The following COL2A1 variants were observed in gnomAD, a reference collection of about 807,000 sequenced individuals.
The protein encoded by COL2A1 is collagen type II alpha 1 chain.
A neutral mutation model predicts 204.5 loss-of-function variants in COL2A1; 28 were observed. That is an observed-to-expected ratio of 0.14 (90% CI 0.10 to 0.19). The LOEUF (loss-of-function observed/expected upper bound fraction) is 0.19. Among genes scored for constraint, COL2A1 ranks in the 10% least tolerant of loss-of-function variants. The pLI is 1.00. For synonymous variants in COL2A1, 708 were observed against 718.7 expected (o/e 0.99, Z 0.24); for missense variants, 1,388 against 2,027.5 (o/e 0.68, Z 6.06).
intron 16 of COL2A1, among the ~76,000 whole-genome samples, chr12:47,990,316 C>A (rs1939645577): frequency 6.6e-6 from 1 of 152,218 alleles, no homozygotes; most frequent in Non-Finnish European, 1.5e-5. Flanking sequence ...GGCCCCTAAT[C>A]TTAAACAAAG....
At position 47,976,447 on chromosome 12, in the gene COL2A1, C is replaced by A. The variant is rs1352402377; in HGVS notation, c.3489+67G>T. The A allele has an allele frequency of 2.6e-6, 4 of 1,550,956 alleles. No individual in the cohort carries two copies. The highest frequency in any genetic ancestry group is 3.6e-6 in the Non-Finnish European group (4 of 1,123,098). On this transcript the variant is annotated intron_variant, in intron 49 of 53. Transcript: ENST00000380518. The surrounding 1 kb of genome is among the most constrained non-coding windows in gnomAD (Gnocchi z 4.3). ...TCCCCAGAAGCAGCAGCATTTCCCT[C>A]CCCATGGGAACACAGGCCCACACTC...
In COL2A1 at chr12:47,995,242, C is replaced by T. The variant is rs147698746; in HGVS notation, c.762+13G>A. The T allele has an allele frequency of 1.0e-4, 169 of 1,611,114 alleles. 2 individuals carry two copies. In the African/African-American group the frequency reaches 1.7e-3, roughly 16 times the overall value. ...GGAGGCAGCTCCTCATTTGTCTACT[C>T]GTGTATACTCACATCATCACCAGGC... On this transcript the variant is annotated intron_variant, in intron 11 of 53. Transcript: ENST00000380518.
At chr12:47,982,426 G>T in intron 34 of COL2A1, 76 bp downstream of exon 34, 1 of 1,243,728 alleles carries the variant, frequency 8.0e-7, no homozygotes, top group Non-Finnish European at 1.2e-6. Flanking sequence ...TGCCATAAGG[G>T]AACGGAAGCG....
chr12:47,997,274 C>T (rs1940004477), intron 7 of COL2A1, among the ~76,000 whole-genome samples: 1 of 152,222 alleles, frequency 6.6e-6, no homozygotes, highest in South Asian at 2.1e-4. Flanking sequence ...GGTCACTCGT[C>T]TTCCAGGGAA....
intron 8 of COL2A1, 109 bp from the exon 9 acceptor site, chr12:47,996,028 T>G: frequency 1.1e-6 from 1 of 886,100 alleles, no homozygotes; most frequent in Non-Finnish European, 1.9e-6. Context: ...GAAGTTACTC[T>G]GTGGGCAAGG....
intron 28 of COL2A1, 54 bp downstream of exon 28, chr12:47,984,492 C>G (rs969964291): frequency 8.8e-6 from 14 of 1,584,292 alleles, no homozygotes; most frequent in Non-Finnish European, 1.2e-5. Context: ...CCCCTGTCCT[C>G]CCTGCAGATG....
At chr12:47,994,511 C>A (rs1441110326) in intron 11 of COL2A1, 34 bp from the exon 12 acceptor site, 1 of 1,612,028 alleles carries the variant, frequency 6.2e-7, no homozygotes. Flanking sequence ...CCAGCTTCCT[C>A]AGAGACGCAG....
chr12:47,986,295 G>A, intron 23 of COL2A1, 41 bp downstream of exon 23: 1 of 1,337,608 alleles, frequency 7.5e-7, no homozygotes, highest in East Asian at 2.5e-5. Flanking sequence ...CCCTCTCGAG[G>A]TCACAGGCCC....
intron 17 of COL2A1, 114 bp downstream of exon 17, chr12:47,989,647 A>G (rs894117481): frequency 1.6e-5 from 14 of 880,958 alleles, no homozygotes; most frequent in Non-Finnish European, 2.5e-5. Flanking sequence ...CCTTTCCAGT[A>G]GACATCAGAG....
intron 7 of COL2A1, among the ~76,000 whole-genome samples, chr12:47,996,939 A>G (rs2213162): frequency 0.55 from 83,835 of 152,090 alleles, 24,374 homozygotes; most frequent in Non-Finnish European, 0.67. Flanking sequence ...GTATATGGAG[A>G]AACATAACCA....
Position 47,998,084 on chromosome 12 carries a change from A to G in COL2A1, c.343-20T>C. The G allele has an allele frequency of 6.2e-7, 1 of 1,614,228 alleles. No homozygotes were observed. Among genetic ancestry groups the G allele is most frequent in the East Asian group, 2.2e-5 (1 of 44,888 alleles). On this transcript the variant is annotated intron_variant, in intron 4 of 53. Transcript: ENST00000380518. ...TACAATCTGTGAGAGAGAGCCCCAC[A>G]GGATGGTAAGTTAGAGGAGAGCACA...
rs114279203 is a variant in COL2A1, at chr12:47,988,860, G to A, written c.1122+368C>T. Reference sequence around the variant, plus strand: ...CCCTGCCCAGTTCCCTCCAGTGCCCGTCAGGGCCCCGAGCTTGCTCAGCTG... The same window carrying A: ...CCCTGCCCAGTTCCCTCCAGTGCCCATCAGGGCCCCGAGCTTGCTCAGCTG... On this transcript the variant is annotated intron_variant, in intron 18 of 53. Transcript: ENST00000380518. 3.6e-3 allele frequency among the ~76,000 whole-genome samples: 543 copies of A among 152,336 alleles called. 5 individuals carry two copies. Among genetic ancestry groups the A allele is most frequent in the African/African-American group, 0.012 (518 of 41,570 alleles).
intron 1 of COL2A1, among the ~76,000 whole-genome samples, chr12:48,001,437 T>C (rs1940227280): frequency 2.0e-5 from 3 of 152,164 alleles, no homozygotes; most frequent in Non-Finnish European, 2.9e-5. Flanking sequence ...GCCGTTAAAA[T>C]AGCTGGAGCA....
At position 47,993,913 on chromosome 12, in the gene COL2A1, G is replaced by A. The variant is rs780419116; in HGVS notation, c.871-51C>T. 5 of 1,613,404 alleles carry A rather than the reference G, an allele frequency of 3.1e-6. No individual in the cohort carries two copies. The South Asian group carries it at 4.4e-5, about 14-fold the overall frequency. ...TCAGACTTCTGGGAAACCCAAGTTG[G>A]AAGAAATGCACGCACCCCAAAGTGC... On this transcript the variant is annotated intron_variant, in intron 13 of 53. Coordinates refer to ENST00000380518, the MANE Select transcript of COL2A1 (RefSeq NM_001844.5).
chr12:47,989,715 C>T (rs1939609980), intron 17 of COL2A1, 46 bp downstream of exon 17: 3 of 1,593,036 alleles, frequency 1.9e-6, no homozygotes, highest in East Asian at 4.5e-5. Context: ...CTTAACGGGA[C>T]TTAAAGCACA....
chr12:48,001,882 C>T (rs1319681094), intron 1 of COL2A1, among the ~76,000 whole-genome samples: 1 of 152,190 alleles, frequency 6.6e-6, no homozygotes, highest in African/African-American at 2.4e-5. Flanking sequence ...CCCTCATTAC[C>T]GCAGGGCCGT....
intron 16 of COL2A1, among the ~76,000 whole-genome samples, chr12:47,990,481 G>A (rs1425930507): frequency 6.6e-6 from 1 of 152,194 alleles, no homozygotes; most frequent in African/African-American, 2.4e-5. Context: ...CCTGCTCAGG[G>A]GGAAGCGCTT....
At chr12:47,995,501 G>A (rs1201083765) in intron 10 of COL2A1, among the ~76,000 whole-genome samples, 193 bp from the exon 11 acceptor site, 1 of 152,220 alleles carries the variant, frequency 6.6e-6, no homozygotes, top group Admixed American at 6.5e-5. Flanking sequence ...CGGAAAGGGG[G>A]CTGTTAGGAC....
chr12:47,974,581 A>C, intron 52 of COL2A1, 94 bp downstream of exon 52: 1 of 1,434,642 alleles, frequency 7.0e-7, no homozygotes, highest in Non-Finnish European at 9.8e-7. Context: ...CTGGAGGAAA[A>C]TATGGGGAAG....
Sources: allele counts gnomAD v4.1 joint callset (sites outside exome capture counted in the v4.1 genomes callset), GRCh38; gene constraint gnomAD v4.1.1; non-coding constraint Gnocchi (gnomAD v3.1); transcripts MANE v1.5; gene names NCBI Gene and HGNC (gene_info 2026-07-23, HGNC 2026-07-21).